The following DDC variants were observed in gnomAD, a reference collection of about 807,000 sequenced individuals.
DDC encodes aromatic-L-amino-acid decarboxylase.
A neutral mutation model predicts 60.0 loss-of-function variants in DDC; 43 were observed. That is an observed-to-expected ratio of 0.72 (90% confidence interval 0.56 to 0.92). DDC has a LOEUF of 0.92. Ranked by LOEUF, DDC falls within the 40% of genes least tolerant of loss-of-function variation. The probability of loss-of-function intolerance (pLI) is 0.00; values close to 1 mark genes in which losing one functional copy is unlikely to be tolerated. For missense variants in DDC, 573 were observed against 620.2 expected, an observed-to-expected ratio of 0.92 and a Z score of 0.81; for synonymous variants, 232 against 234.6, an observed-to-expected ratio of 0.99 and a Z score of 0.10.
intron 14 of DDC, among the ~76,000 whole-genome samples, chr7:50,462,870 T>C (rs949353360): frequency 6.7e-6 from 1 of 148,956 alleles, no homozygotes; most frequent in Non-Finnish European, 1.5e-5. Flanking sequence ...CCCAGGTTCA[T>C]GCGATTCTCC....
intron 10 of DDC, chr7:50,477,709 C>T (rs1004185121): frequency 3.0e-6 from 1 of 330,530 alleles, no homozygotes; most frequent in Non-Finnish European, 5.9e-6. Flanking sequence ...TTATGAGTGA[C>T]CCTGAGATGG....
intron 1 of DDC, among the ~76,000 whole-genome samples, chr7:50,563,356 G>A (rs1422897419): frequency 6.6e-6 from 1 of 151,956 alleles, no homozygotes; most frequent in Non-Finnish European, 1.5e-5. Context: ...CTAATTTTTA[G>A]GTATTTGATT....
At chr7:50,469,103 C>T (rs1198573363) in intron 12 of DDC, among the ~76,000 whole-genome samples, 1 of 135,714 alleles carries the variant, frequency 7.4e-6, no homozygotes, top group African/African-American at 2.6e-5. Flanking sequence ...CCATGCCTGG[C>T]TAATTTTTTG....
At chr7:50,491,419 C>T (rs1175877432) in intron 9 of DDC, among the ~76,000 whole-genome samples, 1 of 152,116 alleles carries the variant, frequency 6.6e-6, no homozygotes, top group Non-Finnish European at 1.5e-5. Context: ...CACGTGGGAC[C>T]TGTCTAGAAA....
At chr7:50,508,835 T>G (rs2043471353) in intron 6 of DDC, among the ~76,000 whole-genome samples, 1 of 152,138 alleles carries the variant, frequency 6.6e-6, no homozygotes, top group Non-Finnish European at 1.5e-5. Flanking sequence ...TCTCTCCAGC[T>G]TTACAATCCT....
intron 11 of DDC, among the ~76,000 whole-genome samples, chr7:50,470,606 C>T (rs2042508823): frequency 6.6e-6 from 1 of 152,228 alleles, no homozygotes; most frequent in African/African-American, 2.4e-5. Context: ...AGAACCTGCT[C>T]TTGTCTGCCA....
intron 5 of DDC, 80 bp downstream of exon 5, chr7:50,529,128 G>T: frequency 6.4e-7 from 1 of 1,573,684 alleles, no homozygotes; most frequent in Non-Finnish European, 8.7e-7. Flanking sequence ...GAAGGATGCT[G>T]TTTGGTTTGG....
At chr7:50,496,037 T>C (rs926795992) in intron 8 of DDC, among the ~76,000 whole-genome samples, 4 of 152,150 alleles carry the variant, frequency 2.6e-5, no homozygotes, top group Non-Finnish European at 5.9e-5. Context: ...TGGGTTCTTT[T>C]GCCAGCATTG....
chr7:50,490,586 C>T lies in DDC; in HGVS notation c.944+4764G>A, dbSNP rs529073805. On this transcript the variant is annotated intron_variant, in intron 9 of 14. Transcript: ENST00000444124. ...TCAGGAGGCTGAGGCAGGAGACTCG[C>T]TTGAACCTGGGAGGTGGAGGTTGCA... 1.2e-3 allele frequency among the ~76,000 whole-genome samples: 182 copies of T among 152,260 alleles called. 6 individuals are homozygous for T. The South Asian group carries it at 0.037, about 31-fold the overall frequency.
chr7:50,470,541 G>A (rs2042507672), intron 11 of DDC, among the ~76,000 whole-genome samples: 1 of 152,218 alleles, frequency 6.6e-6, no homozygotes. Flanking sequence ...ACCATCCAGT[G>A]GGGATAAGGG....
At position 50,528,188 on chromosome 7, in the gene DDC, G is replaced by T; in HGVS notation, c.663C>A (p.Ala221=). The T allele has an allele frequency of 6.2e-7, 1 of 1,613,920 alleles. No individual in the cohort carries two copies. The highest frequency in any genetic ancestry group is 8.5e-7 in the Non-Finnish European group (1 of 1,180,030). The change falls in exon 6 of 15, where the codon GCC becomes GCA. Residue 221 remains alanine, a synonymous_variant. Transcript: ENST00000444124. The part of the protein sequence containing the change: ...SDGNFAMRAS[A]LQEALERDKA... ...TGTCTCTCTCCAGGGCTTCCTGCAGGGCAGACGCACGCATGGCGAAGTTGC... is the reference window on the plus strand; with the variant it reads ...TGTCTCTCTCCAGGGCTTCCTGCAGTGCAGACGCACGCATGGCGAAGTTGC...
At chr7:50,477,323 C>T (rs921650052) in intron 10 of DDC, among the ~76,000 whole-genome samples, 8 of 152,320 alleles carry the variant, frequency 5.3e-5, no homozygotes, top group Non-Finnish European at 1.0e-4. Flanking sequence ...AGTGATCCTG[C>T]ACAAGACATC....
In DDC at chr7:50,529,228, C is replaced by G. The variant is rs139433641; in HGVS notation, c.550G>C (p.Val184Leu). 1.3e-4 allele frequency: 217 copies of G among 1,613,532 alleles called. No homozygotes were observed. The East Asian group carries it at 4.6e-3, about 34-fold the overall frequency. ...CTCACCTGATCGGATGAGTAAGCCACCAGCTTCTCCATGATAGCGGCCTGT... is the reference window on the plus strand; with the variant it reads ...CTCACCTGATCGGATGAGTAAGCCAGCAGCTTCTCCATGATAGCGGCCTGT... ...LTQAAIMEKLVAYSSDQAHSS... is the reference protein window; with the variant it reads ...LTQAAIMEKLLAYSSDQAHSS... The change falls in exon 5 of 15, where the codon GTG becomes CTG. Residue 184 changes from valine (V) to leucine (L), a missense_variant. Physicochemically the swap from Val to Leu is conservative, Grantham distance 32. Coordinates refer to ENST00000444124, the MANE Select transcript of DDC (RefSeq NM_001082971.2).
intron 4 of DDC, among the ~76,000 whole-genome samples, chr7:50,533,398 T>C (rs562758774): frequency 2.0e-5 from 3 of 151,852 alleles, no homozygotes; most frequent in African/African-American, 7.2e-5. Context: ...TGGGTTCAAA[T>C]GATTCTCCTG....
At chr7:50,476,574 C>T (rs2042649777) in intron 11 of DDC, 50 bp downstream of exon 11, 2 of 1,538,432 alleles carry the variant, frequency 1.3e-6, no homozygotes, top group Non-Finnish European at 1.8e-6. Flanking sequence ...GTGGCGTAGC[C>T]CCCCAGCACT....
chr7:50,515,806 C>G (rs187596870), intron 6 of DDC, among the ~76,000 whole-genome samples: 2 of 152,282 alleles, frequency 1.3e-5, no homozygotes, highest in South Asian at 4.1e-4. Context: ...AACTTTAAGG[C>G]AACAGCAGTT....
At chr7:50,498,988 G>T (rs11575395) in intron 8 of DDC, among the ~76,000 whole-genome samples, 160 bp downstream of exon 8, 1 of 152,224 alleles carries the variant, frequency 6.6e-6, no homozygotes, top group South Asian at 2.1e-4. Flanking sequence ...GCTGGGGAAG[G>T]CTCTCAGCCC....
In DDC at chr7:50,537,901, A is replaced by T; in HGVS notation, c.394T>A (p.Phe132Ile). ...CCTTCTCCAGCTTTCTCATTCAAAA[A>T]TGCCTTTGGTAGTTCCAGCATCTTC... ...LGKMLELPKA[F>I]LNEKAGEGGG... The change falls in exon 4 of 15, where the codon TTT becomes ATT. Residue 132 changes from phenylalanine to isoleucine, a missense_variant. Coordinates refer to ENST00000444124, the MANE Select transcript of DDC (RefSeq NM_001082971.2). The T allele has an allele frequency of 6.2e-7, 1 of 1,614,134 alleles. No homozygotes were observed. Among genetic ancestry groups the T allele is most frequent in the Non-Finnish European group, 8.5e-7 (1 of 1,180,036 alleles).
chr7:50,479,907 T>G (rs374608881), intron 9 of DDC, 44 bp from the exon 10 acceptor site: 3 of 1,525,274 alleles, frequency 2.0e-6, no homozygotes, highest in Non-Finnish European at 1.8e-6. Context: ...CCAAGTACCC[T>G]AGACTGGACC....
Sources: gnomAD v4.1 joint callset for allele counts (sites outside exome capture counted in the v4.1 genomes callset) on GRCh38, gnomAD v4.1.1 for gene constraint, MANE v1.5 for transcripts, NCBI Gene and HGNC (gene_info 2026-07-23, HGNC 2026-07-21) for gene names.